The following SLC10A7 variants were observed in gnomAD, a reference collection of about 807,000 sequenced individuals.
The protein encoded by SLC10A7 is solute carrier family 10 member 7, also known as sodium/bile acid cotransporter 7.
SLC10A7 carries 29 observed loss-of-function variants against 43.2 expected under a neutral mutation model. The ratio of observed to expected loss-of-function variants is 0.67; its 90% CI spans 0.50 to 0.92. SLC10A7 has a LOEUF of 0.92. SLC10A7 is among the 40% of genes least tolerant of loss of function. The probability of loss-of-function intolerance (pLI) is 0.00; values close to 1 mark genes in which losing one functional copy is unlikely to be tolerated. For synonymous variants in SLC10A7, 152 were observed against 144.8 expected (o/e 1.05, Z -0.35); for missense variants, 295 against 403.2 (o/e 0.73, Z 2.30).
chr4:146,404,652 G>T (rs1449700776), intron 5 of SLC10A7, among the ~76,000 whole-genome samples: 2 of 151,546 alleles, frequency 1.3e-5, no homozygotes, highest in African/African-American at 4.9e-5. Context: ...TTTACTTTTG[G>T]TAGAGACAGG....
In SLC10A7 at chr4:146,493,142, C is replaced by G. The variant is rs567554906; in HGVS notation, c.396+10707G>C. On this transcript the variant is annotated intron_variant, in intron 4 of 11. Coordinates refer to ENST00000335472, the MANE Select transcript of SLC10A7 (RefSeq NM_001029998.6). ...CTACAGAACTTGAAAAAGGCACATG[C>G]CCAGAATTTGGAAATAAAGTTAAAA... Among the ~76,000 whole-genome samples, 12 of 152,126 alleles carry G rather than the reference C, an allele frequency of 7.9e-5. 1 individual carries two copies. The South Asian group carries it at 2.5e-3, about 32-fold the overall frequency.
rs763828482 is a variant in SLC10A7 at position 146,271,376 on chromosome 4, C to T, written c.847+11816G>A. On this transcript the variant is annotated intron_variant, in intron 10 of 11. Coordinates refer to ENST00000335472, the MANE Select transcript of SLC10A7 (RefSeq NM_001029998.6). Reference sequence around the variant, plus strand: ...ATCTTGAATTCCTTTCTTTTACCTACATATCCAATTCACCAGCAATTCCTA... The same window carrying T: ...ATCTTGAATTCCTTTCTTTTACCTATATATCCAATTCACCAGCAATTCCTA... 6.6e-5 allele frequency among the ~76,000 whole-genome samples: 10 copies of T among 152,194 alleles called. No individual in the cohort carries two copies. The South Asian group carries it at 1.0e-3, about 16-fold the overall frequency.
chr4:146,374,613 T>TATACATAC lies in SLC10A7; in HGVS notation c.436-48618_436-48617insGTATGTAT, dbSNP rs1286344996. On this transcript the variant is annotated intron_variant, in intron 5 of 11. Transcript: ENST00000335472. ...AAAAAAATATATACATATATATATATACACATACACACACACACACACACA... is the reference window on the plus strand; with the variant it reads ...AAAAAAATATATACATATATATATATATACATACACACATACACACACACACACACACA... 1.2e-3 allele frequency among the ~76,000 whole-genome samples: 147 copies of TATACATAC among 119,492 alleles called. 1 individual carries two copies. The highest frequency in any genetic ancestry group is 2.4e-3 in the African/African-American group (72 of 29,742). 78.4% of individuals were successfully genotyped at this position (119,492 alleles called of 152,430 possible).
rs557257183 is a variant in SLC10A7 at position 146,300,791 on chromosome 4, A to G, written c.555+5135T>C. On this transcript the variant is annotated intron_variant, in intron 7 of 11. Transcript: ENST00000335472. The stretch of plus-strand genomic sequence containing the variant: ...TAAAAAAGATATACTTTTTTTTCAG[A>G]TATGTTTTTCAGGTGATGACTAGGA... Among the ~76,000 whole-genome samples the G allele has an allele frequency of 2.0e-5, 3 of 152,076 alleles. No individual in the cohort carries two copies. In the East Asian group the frequency reaches 5.8e-4, roughly 29 times the overall value.
At chr4:146,286,298 G>A (rs1469921774) in intron 9 of SLC10A7, among the ~76,000 whole-genome samples, 10 of 102,186 alleles carry the variant, frequency 9.8e-5, no homozygotes, top group African/African-American at 3.0e-4. Context: ...GAAGGACTGA[G>A]TTTGGAGTGG....
chr4:146,260,857 C>T (rs981141919), intron 10 of SLC10A7, among the ~76,000 whole-genome samples: 4 of 152,168 alleles, frequency 2.6e-5, no homozygotes, highest in African/African-American at 7.2e-5. Flanking sequence ...CCCAGAAGCA[C>T]TTCCAGGGGC....
At chr4:146,503,297 C>A (rs528698528) in intron 4 of SLC10A7, among the ~76,000 whole-genome samples, 15 of 152,244 alleles carry the variant, frequency 9.9e-5, no homozygotes, top group African/African-American at 3.4e-4. Flanking sequence ...AAGGAAGAAC[C>A]CCCTATAAGT....
intron 9 of SLC10A7, among the ~76,000 whole-genome samples, chr4:146,284,466 C>T (rs1475061715): frequency 6.6e-6 from 1 of 152,072 alleles, no homozygotes; most frequent in Non-Finnish European, 1.5e-5. Flanking sequence ...GCCGGGTTCC[C>T]CCATCACCCC....
At chr4:146,467,894 G>A (rs1733193696) in intron 4 of SLC10A7, among the ~76,000 whole-genome samples, 1 of 152,204 alleles carries the variant, frequency 6.6e-6, no homozygotes, top group South Asian at 2.1e-4. Flanking sequence ...TCAGCCTCCT[G>A]GATCTATGTG....
intron 5 of SLC10A7, among the ~76,000 whole-genome samples, chr4:146,343,265 A>C (rs961390095): frequency 2.6e-5 from 4 of 152,026 alleles, no homozygotes; most frequent in Non-Finnish European, 2.9e-5. Context: ...ACTAATTCAA[A>C]TACTGACAGC....
At chr4:146,511,817 T>C (rs1488805020) in intron 2 of SLC10A7, among the ~76,000 whole-genome samples, 3 of 152,152 alleles carry the variant, frequency 2.0e-5, no homozygotes, top group Non-Finnish European at 4.4e-5. Context: ...GCACCAGCAG[T>C]TCCAGAGAAT....
intron 6 of SLC10A7, among the ~76,000 whole-genome samples, chr4:146,306,716 C>T (rs867396814): frequency 6.6e-6 from 1 of 152,170 alleles, no homozygotes; most frequent in Non-Finnish European, 1.5e-5. Flanking sequence ...CAGTAACACA[C>T]TCACGTTAGC....
At chr4:146,281,737 CAG>C (rs532370060) in intron 10 of SLC10A7, among the ~76,000 whole-genome samples, 49 of 152,264 alleles carry the variant, frequency 3.2e-4, no homozygotes, top group African/African-American at 1.1e-3. Flanking sequence ...ATCTACAAGA[CAG>C]GGGTCAGGAG....
chr4:146,469,022 T>A (rs1733323015), intron 4 of SLC10A7, among the ~76,000 whole-genome samples: 1 of 152,098 alleles, frequency 6.6e-6, no homozygotes, highest in Admixed American at 6.6e-5. Context: ...TTAAAAAGAA[T>A]CATTCAGGGT....
At chr4:146,340,356 C>T (rs565438643) in intron 5 of SLC10A7, among the ~76,000 whole-genome samples, 8 of 151,954 alleles carry the variant, frequency 5.3e-5, no homozygotes, top group African/African-American at 1.9e-4. Context: ...ATAGAACAAG[C>T]AAATCACTTC....
chr4:146,360,647 A>T (rs1469758417), intron 5 of SLC10A7, among the ~76,000 whole-genome samples: 1 of 151,982 alleles, frequency 6.6e-6, no homozygotes, highest in African/African-American at 2.4e-5. Flanking sequence ...AGTAGAGACA[A>T]GGTCTTGCTA....
At chr4:146,481,805 A>G (rs1321552953) in intron 4 of SLC10A7, among the ~76,000 whole-genome samples, 1 of 152,202 alleles carries the variant, frequency 6.6e-6, no homozygotes, top group Non-Finnish European at 1.5e-5. Context: ...ACCTGGATCC[A>G]TAGCCACCCT....
intron 9 of SLC10A7, among the ~76,000 whole-genome samples, chr4:146,284,983 C>T (rs1362048193): frequency 1.3e-5 from 2 of 152,122 alleles, no homozygotes; most frequent in African/African-American, 4.8e-5. Context: ...GCACAAATAA[C>T]CTTCTGGGAA....
At chr4:146,277,471 T>C (rs1003165066) in intron 10 of SLC10A7, among the ~76,000 whole-genome samples, 2 of 152,212 alleles carry the variant, frequency 1.3e-5, no homozygotes, top group African/African-American at 2.4e-5. Context: ...TCTTTCTTTA[T>C]GTGGATCAGA....
Sources: allele counts gnomAD v4.1 joint callset (sites outside exome capture counted in the v4.1 genomes callset), GRCh38; gene constraint gnomAD v4.1.1; transcripts MANE v1.5; gene names NCBI Gene and HGNC (gene_info 2026-07-23, HGNC 2026-07-21).